Variants in PSD3 observed in about 807,000 individuals in gnomAD.
PSD3 encodes the protein pleckstrin and Sec7 domain containing 3.
Under a neutral mutation model 105.5 loss-of-function variants are expected in PSD3, and 49 were observed. That is an observed-to-expected ratio of 0.46 (90% confidence interval 0.37 to 0.59). The LOEUF (loss-of-function observed/expected upper bound fraction) is 0.59, where lower values mean the gene tolerates loss of function less well. PSD3 is among the 20% of genes least tolerant of loss of function. The pLI is 0.00. For synonymous variants in PSD3, 557 were observed against 457.8 expected (o/e 1.22, Z -2.77); for missense variants, 1,561 against 1,263.8 (o/e 1.24, Z -3.57).
chr8:19,038,554 G>T (rs1475269951), intron 1 of PSD3, among the ~76,000 whole-genome samples: 1 of 152,088 alleles, frequency 6.6e-6, no homozygotes, highest in Admixed American at 6.6e-5. Flanking sequence ...TTAACCTCCT[G>T]GGCTCAAGCG....
chr8:18,596,162 C>CAA lies in PSD3; in HGVS notation c.2481+4200_2481+4201dup, dbSNP rs35307260. 1.6e-3 allele frequency among the ~76,000 whole-genome samples: 243 copies of CAA among 150,238 alleles called. 1 individual carries two copies. The highest frequency in any genetic ancestry group is 2.5e-3 in the Admixed American group (38 of 15,072). On this transcript the variant is annotated intron_variant, in intron 12 of 15. Coordinates refer to ENST00000327040, the MANE Select transcript of PSD3 (RefSeq NM_015310.4). ...ACATGATCCTGAACAATCAATGGGT[C>CAA]AAAAAAAAATCAAAAAGGAAATTGG... is the stretch of plus-strand genomic sequence containing the variant.
At chr8:18,748,698 G>T (rs1805227755) in intron 9 of PSD3, among the ~76,000 whole-genome samples, 1 of 151,708 alleles carries the variant, frequency 6.6e-6, no homozygotes, top group Non-Finnish European at 1.5e-5. Context: ...CCTTTATGTG[G>T]AATTGTTATA....
chr8:18,880,059 C>T (rs1818012901), intron 2 of PSD3, among the ~76,000 whole-genome samples: 1 of 152,194 alleles, frequency 6.6e-6, no homozygotes, highest in South Asian at 2.1e-4. Context: ...CACCCTCTGC[C>T]ACACCCCATG....
At chr8:18,784,103 T>C (rs1019376615) in intron 8 of PSD3, among the ~76,000 whole-genome samples, 4 of 152,176 alleles carry the variant, frequency 2.6e-5, no homozygotes, top group Non-Finnish European at 5.9e-5. Flanking sequence ...TTTGCGAATT[T>C]TGTCCTATCC....
chr8:18,897,820 T>C (rs1352715092), intron 2 of PSD3, among the ~76,000 whole-genome samples: 2 of 152,226 alleles, frequency 1.3e-5, no homozygotes, highest in East Asian at 1.9e-4. Context: ...TGTTGGTATA[T>C]AGAAACACCA....
At chr8:18,759,507 G>T (rs918294021) in intron 9 of PSD3, among the ~76,000 whole-genome samples, 1 of 152,076 alleles carries the variant, frequency 6.6e-6, no homozygotes, top group Non-Finnish European at 1.5e-5. Flanking sequence ...ATTTTTAAAG[G>T]AGAGACTGTT....
In PSD3 at chr8:18,924,374, C is replaced by T. The variant is rs537732118; in HGVS notation, c.130+11660G>A. 1.4e-3 allele frequency among the ~76,000 whole-genome samples: 211 copies of T among 152,174 alleles called. 1 individual carries two copies. The highest frequency in any genetic ancestry group is 5.0e-3 in the African/African-American group (206 of 41,520). Reference sequence around the variant, plus strand: ...ACTGTAAAATCATTTTTCTGCTTTCCATAATGGGTGGGAAGGAGGCTGGAG... The same window carrying T: ...ACTGTAAAATCATTTTTCTGCTTTCTATAATGGGTGGGAAGGAGGCTGGAG... On this transcript the variant is annotated intron_variant, in intron 2 of 15. Coordinates refer to ENST00000327040, the MANE Select transcript of PSD3 (RefSeq NM_015310.4).
intron 2 of PSD3, among the ~76,000 whole-genome samples, chr8:18,933,490 C>G (rs1363779872): frequency 6.6e-6 from 1 of 151,996 alleles, no homozygotes; most frequent in African/African-American, 2.4e-5. Context: ...TTTTTTGAGA[C>G]AGAGTCTCAC....
At chr8:18,550,563 C>T (rs969120026) in intron 15 of PSD3, among the ~76,000 whole-genome samples, 1 of 152,164 alleles carries the variant, frequency 6.6e-6, no homozygotes, top group African/African-American at 2.4e-5. Flanking sequence ...ACCTACTGAA[C>T]ATCATTAACT....
chr8:19,021,804 G>C (rs1294623886), intron 1 of PSD3, among the ~76,000 whole-genome samples: 1 of 152,222 alleles, frequency 6.6e-6, no homozygotes, highest in East Asian at 1.9e-4. Flanking sequence ...AAACTATGCA[G>C]TCCTTAGTCT....
At chr8:18,721,112 C>T (rs1228276276) in intron 9 of PSD3, 5 of 152,110 alleles carry the variant, frequency 3.3e-5, no homozygotes, top group Non-Finnish European at 5.9e-5. Flanking sequence ...CCCTTCTCAC[C>T]CGAAGAGCCC....
intron 1 of PSD3, among the ~76,000 whole-genome samples, chr8:19,026,537 T>C (rs923895629): frequency 6.6e-6 from 1 of 152,038 alleles, no homozygotes; most frequent in Non-Finnish European, 1.5e-5. Context: ...GCACTGGGTA[T>C]ATTGCCTATC....
chr8:18,561,273 C>A (rs1419228009), intron 14 of PSD3, among the ~76,000 whole-genome samples: 1 of 152,110 alleles, frequency 6.6e-6, no homozygotes, highest in African/African-American at 2.4e-5. Flanking sequence ...TATATATACA[C>A]AATGGAGTAT....
intron 8 of PSD3, among the ~76,000 whole-genome samples, chr8:18,770,517 C>G (rs1757113957): frequency 6.6e-6 from 1 of 152,132 alleles, no homozygotes; most frequent in African/African-American, 2.4e-5. Context: ...TATATGAGCA[C>G]TGGAGTCAGC....
At chr8:18,970,198 A>G (rs993054558) in intron 1 of PSD3, among the ~76,000 whole-genome samples, 2 of 151,138 alleles carry the variant, frequency 1.3e-5, no homozygotes, top group African/African-American at 2.4e-5. Flanking sequence ...GGTGGCGGGC[A>G]CCTGTAGTCC....
chr8:18,852,624 G>A (rs142662745), intron 4 of PSD3, among the ~76,000 whole-genome samples: 6 of 152,248 alleles, frequency 3.9e-5, no homozygotes, highest in South Asian at 4.1e-4. Flanking sequence ...CCCAGCCCCC[G>A]TTGCCACTGA....
chr8:18,903,559 A>G (rs1177933018), intron 2 of PSD3, among the ~76,000 whole-genome samples: 1 of 152,158 alleles, frequency 6.6e-6, no homozygotes, highest in African/African-American at 2.4e-5. Context: ...TGTTTGGTCT[A>G]TAGGCCAGTG....
chr8:18,714,562 A>G (rs1346165348), intron 9 of PSD3, among the ~76,000 whole-genome samples: 3 of 152,222 alleles, frequency 2.0e-5, no homozygotes, highest in Admixed American at 2.0e-4. Flanking sequence ...GAGAAATGCA[A>G]ATCAAAACCA....
chr8:18,943,176 C>G (rs1822659962), intron 1 of PSD3, among the ~76,000 whole-genome samples: 8 of 152,194 alleles, frequency 5.3e-5, no homozygotes, highest in Admixed American at 5.2e-4. Context: ...GAAAAAGACT[C>G]TTGTTCACTC....
Sources: gnomAD v4.1 joint callset for allele counts (sites outside exome capture counted in the v4.1 genomes callset) on GRCh38, gnomAD v4.1.1 for gene constraint, MANE v1.5 for transcripts, NCBI Gene and HGNC (gene_info 2026-07-23, HGNC 2026-07-21) for gene names.